Variants in LGALS4 observed in about 807,000 individuals in gnomAD.
LGALS4 encodes galectin 4.
LGALS4 carries 37 observed loss-of-function variants against 39.6 expected under a neutral mutation model. That is an observed-to-expected ratio of 0.93 (90% confidence interval 0.72 to 1.23). The LOEUF is 1.23. LGALS4 is among the 50% of genes most tolerant of loss of function. The pLI, the probability that LGALS4 is intolerant of heterozygous loss-of-function variation, is 0.00. For synonymous variants in LGALS4, 160 were observed against 165.5 expected, an observed-to-expected ratio of 0.97 and a Z score of 0.25; for missense variants, 397 against 433.2, an observed-to-expected ratio of 0.92 and a Z score of 0.74.
rs368127026 is a variant in LGALS4 at position 38,803,718 on chromosome 19, G to A, written c.540+24C>T. The A allele has an allele frequency of 1.4e-5, 22 of 1,611,322 alleles. No homozygotes were observed. The South Asian group carries it at 2.0e-4, about 15-fold the overall frequency. On this transcript the variant is annotated intron_variant, in intron 6 of 9. Transcript: ENST00000307751. Reference sequence around the variant, plus strand: ...CTCACCATTCCCACTCCTCACCCGGGGCCCTCCCAGCCCTCCCACTCACGG... The same window carrying A: ...CTCACCATTCCCACTCCTCACCCGGAGCCCTCCCAGCCCTCCCACTCACGG...
At chr19:38,808,969 C>A in intron 2 of LGALS4, 21 bp from the exon 3 acceptor site, 1 of 1,578,666 alleles carries the variant, frequency 6.3e-7, no homozygotes, top group Non-Finnish European at 8.6e-7. Context: ...ACAAAGGGCT[C>A]ATTCCCCTGG....
At position 38,804,024 on chromosome 19, in the gene LGALS4, G is replaced by A. The variant is rs1863824851; in HGVS notation, c.475-129C>T. 23 of 1,056,350 alleles carry A rather than the reference G, an allele frequency of 2.2e-5. No individual in the cohort carries two copies. The South Asian group carries it at 3.3e-4, about 15-fold the overall frequency. The allele number at this position is 1,056,350 out of a possible 1,614,324, so 65.4% of individuals were successfully genotyped here. A position where few individuals can be genotyped will look rare whatever the true frequency, so the allele number is the denominator to read the frequency against. On this transcript the variant is annotated intron_variant, in intron 4 of 9. Transcript: ENST00000307751. Reference sequence around the variant, plus strand: ...ATGCCAGAGAACTCTGGCATCAAAGGGTGGCACCCCGATCACAGATTCACG... The same window carrying A: ...ATGCCAGAGAACTCTGGCATCAAAGAGTGGCACCCCGATCACAGATTCACG...
chr19:38,804,058 C>A (rs1971394063), intron 4 of LGALS4, among the ~76,000 whole-genome samples, 163 bp from the exon 5 acceptor site: 1 of 152,202 alleles, frequency 6.6e-6, no homozygotes, highest in Non-Finnish European at 1.5e-5. Context: ...CGGAGAGGGG[C>A]ACCCCATGTT....
intron 2 of LGALS4, among the ~76,000 whole-genome samples, 157 bp from the exon 3 acceptor site, chr19:38,809,105 G>A (rs949504902): frequency 7.2e-5 from 11 of 152,036 alleles, no homozygotes; most frequent in Non-Finnish European, 1.3e-4. Flanking sequence ...GGGCCACAGC[G>A]TGGAGAGGAC....
rs777303597 is a variant in LGALS4, at chr19:38,808,934, A to T, written c.149T>A (p.Phe50Tyr). 6.2e-7 allele frequency: 1 copy of T among 1,610,962 alleles called. No homozygotes were observed. Among genetic ancestry groups the T allele is most frequent in the Non-Finnish European group, 8.5e-7 (1 of 1,178,468 alleles). The part of the protein sequence containing the change: ...SEHMKRFFVN[F>Y]VVGQDPGSDV... ...TGAGCCCGGATCCTGCCCAACCACA[A>T]AGTTCACGAAGAACCTGGCGGGACA... The change falls in exon 3 of 10, where the codon TTT becomes TAT. Residue 50 changes from phenylalanine (F) to tyrosine (Y), a missense_variant. Transcript: ENST00000307751.
intron 3 of LGALS4, among the ~76,000 whole-genome samples, chr19:38,807,782 G>A (rs572399817): frequency 6.6e-6 from 1 of 152,356 alleles, no homozygotes; most frequent in South Asian, 2.1e-4. Context: ...TCTGTACTAA[G>A]AAAAATTCTT....
intron 4 of LGALS4, 91 bp downstream of exon 4, chr19:38,806,370 A>AAAAAAAAGAAAAAAAG (rs559476215): frequency 6.8e-7 from 1 of 1,467,168 alleles, no homozygotes. Flanking sequence ...TCCGTCTCAA[A>AAAAAAAAGAAAAAAAG]AAAAAAAGAA....
intron 7 of LGALS4, 54 bp from the exon 8 acceptor site, chr19:38,802,458 G>A: frequency 7.4e-7 from 1 of 1,359,800 alleles, no homozygotes; most frequent in East Asian, 2.3e-5. Context: ...AGAGCCAGAT[G>A]TGGGAAGAAA....
At chr19:38,806,674 C>A in intron 3 of LGALS4, 79 bp from the exon 4 acceptor site, 2 of 1,503,032 alleles carry the variant, frequency 1.3e-6, no homozygotes, top group Non-Finnish European at 1.8e-6. Flanking sequence ...GGGCAGGGCA[C>A]CCTGGCTCAC....
intron 4 of LGALS4, among the ~76,000 whole-genome samples, chr19:38,804,130 G>T (rs1024090908): frequency 1.3e-5 from 2 of 151,898 alleles, no homozygotes; most frequent in African/African-American, 4.8e-5. Context: ...GGTCCATTTT[G>T]TTCTCTGTGC....
intron 3 of LGALS4, among the ~76,000 whole-genome samples, chr19:38,808,159 TAGGC>T (rs1174174488): frequency 7.0e-6 from 1 of 142,574 alleles, no homozygotes; most frequent in Non-Finnish European, 1.5e-5. Flanking sequence ...TAAAATAAAA[TAGGC>T]AGGAAAGAAG....
In LGALS4 at chr19:38,806,445, A is replaced by T; in HGVS notation, c.474+16T>A. ...TTAGAAAGAAAGGACGCAAGAAGGGATGGGACCCCTCACACCTGGGGCCGG... is the reference window on the plus strand; with the variant it reads ...TTAGAAAGAAAGGACGCAAGAAGGGTTGGGACCCCTCACACCTGGGGCCGG... On this transcript the variant is annotated intron_variant, in intron 4 of 9. Coordinates refer to ENST00000307751, the MANE Select transcript of LGALS4 (RefSeq NM_006149.4). 5 of 1,613,528 alleles carry T rather than the reference A, an allele frequency of 3.1e-6. No individual in the cohort carries two copies. Among genetic ancestry groups the T allele is most frequent in the Non-Finnish European group, 4.2e-6 (5 of 1,179,564 alleles).
At position 38,812,321 on chromosome 19, in the gene LGALS4, G is replaced by A. The variant is rs528405863; in HGVS notation, c.134+110C>T. On this transcript the variant is annotated intron_variant, in intron 2 of 9. Coordinates refer to ENST00000307751, the MANE Select transcript of LGALS4 (RefSeq NM_006149.4). ...GGCTATTGGGTGGGGCAGAAAAAGA[G>A]TCCCCTCTCCACCAGGGTGGGGTAA... 1.2e-5 allele frequency: 10 copies of A among 857,558 alleles called. No homozygotes were observed. The South Asian group carries it at 1.4e-4, about 12-fold the overall frequency. The allele number at this position is 857,558 out of a possible 1,614,324, so 53.1% of individuals were successfully genotyped here.
At chr19:38,804,824 A>G (rs758999936) in intron 4 of LGALS4, among the ~76,000 whole-genome samples, 8 of 151,856 alleles carry the variant, frequency 5.3e-5, no homozygotes, top group Non-Finnish European at 1.2e-4. Flanking sequence ...CTCCATCTAA[A>G]AAAAAAACAA....
chr19:38,806,698 G>C, intron 3 of LGALS4, 103 bp from the exon 4 acceptor site: 1 of 1,266,958 alleles, frequency 7.9e-7, no homozygotes, highest in Non-Finnish European at 1.1e-6. Context: ...TCTAATCCCA[G>C]CACTTTGGGA....
chr19:38,811,245 G>C (rs574483020), intron 2 of LGALS4, among the ~76,000 whole-genome samples: 1 of 151,980 alleles, frequency 6.6e-6, no homozygotes, highest in Non-Finnish European at 1.5e-5. Context: ...TCAGCTCCAC[G>C]AGGGCAGGGG....
chr19:38,812,793 GC>G, intron 1 of LGALS4, 48 bp downstream of exon 1: 1 of 1,595,100 alleles, frequency 6.3e-7, no homozygotes. Flanking sequence ...TGGTGTGAGG[GC>G]TTATGGACGG....
intron 4 of LGALS4, among the ~76,000 whole-genome samples, chr19:38,804,634 T>C (rs1971401021): frequency 6.6e-6 from 1 of 152,116 alleles, no homozygotes; most frequent in African/African-American, 2.4e-5. Flanking sequence ...TTGACTTCTA[T>C]TCTCAGCCAG....
intron 1 of LGALS4, 78 bp from the exon 2 acceptor site, chr19:38,812,597 A>G (rs1971507811): frequency 7.4e-7 from 1 of 1,357,698 alleles, no homozygotes; most frequent in South Asian, 1.2e-5. Flanking sequence ...AAAGCCCCCC[A>G]GTCCCTTAAG....
Sources: allele counts gnomAD v4.1 joint callset (sites outside exome capture counted in the v4.1 genomes callset), GRCh38; gene constraint gnomAD v4.1.1; transcripts MANE v1.5; gene names NCBI Gene and HGNC (gene_info 2026-07-23, HGNC 2026-07-21).